MCPH1: variants seen among roughly 807,000 people sequenced by gnomAD.
The protein encoded by MCPH1 is microcephalin 1.
A neutral mutation model predicts 84.5 loss-of-function variants in MCPH1; 104 were observed. The ratio of observed to expected loss-of-function variants is 1.23; its 90% CI spans 1.05 to 1.45. MCPH1 has a LOEUF of 1.45. MCPH1 is among the 40% of genes most tolerant of loss of function. The pLI is 0.00. For synonymous variants in MCPH1, 514 were observed against 366.8 expected (o/e 1.40, Z -4.58); for missense variants, 1,498 against 1,005.7 (o/e 1.49, Z -6.62).
intron 12 of MCPH1, among the ~76,000 whole-genome samples, chr8:6,568,474 C>T (rs1000099183): frequency 3.9e-5 from 6 of 152,150 alleles, no homozygotes; most frequent in African/African-American, 1.4e-4. Context: ...TTGTGGGCCC[C>T]GTGACCCCTG....
chr8:6,622,932 T>A (rs1480993704), intron 13 of MCPH1, among the ~76,000 whole-genome samples: 3 of 152,016 alleles, frequency 2.0e-5, no homozygotes, highest in Non-Finnish European at 4.4e-5. Flanking sequence ...CCTCAGCCTC[T>A]CTGGCTGAAG....
intron 12 of MCPH1, among the ~76,000 whole-genome samples, chr8:6,606,442 C>T (rs527490990): frequency 6.6e-6 from 1 of 152,292 alleles, no homozygotes; most frequent in South Asian, 2.1e-4. Context: ...AAAACCTAAC[C>T]TATATATGGT....
At position 6,418,214 on chromosome 8, in the gene MCPH1, G is replaced by A. The variant is rs532182995; in HGVS notation, c.233+3331G>A. ...GGTCTCTTCAGCGAGAAAGGAGGCC[G>A]GAGCTTCTGCTTGAGTGCTTGCTGC... On this transcript the variant is annotated intron_variant, in intron 3 of 13. Transcript: ENST00000344683. Among the ~76,000 whole-genome samples the A allele has an allele frequency of 2.0e-5, 3 of 152,112 alleles. No individual in the cohort carries two copies. The East Asian group carries it at 5.8e-4, about 30-fold the overall frequency.
chr8:6,625,800 A>AG, intron 13 of MCPH1: 2 of 984,938 alleles, frequency 2.0e-6, no homozygotes, highest in South Asian at 4.7e-5. Flanking sequence ...GAAAAAAAAA[A>AG]GAATCATTTT....
rs770836586 is a variant in MCPH1 at position 6,455,151 on chromosome 8, A to T, written c.1834A>T (p.Asn612Tyr). 28 of 1,613,900 alleles carry T rather than the reference A, an allele frequency of 1.7e-5. No individual in the cohort carries two copies. In the South Asian group the frequency reaches 2.9e-4, roughly 16 times the overall value. Residue 612 changes from asparagine to tyrosine, a missense_variant, in exon 9 of 14, where the codon AAT becomes TAT. Coordinates refer to ENST00000344683, the MANE Select transcript of MCPH1 (RefSeq NM_024596.5). ...LPGGYSGSVK[N>Y]RPTRHDVLDD... ...ATCCCCTTGGGTTTTAGGTGTTAAA[A>T]ATAGACCAACAAGGCATGATGTTTT...
At chr8:6,558,900 A>G (rs752592619) in intron 12 of MCPH1, among the ~76,000 whole-genome samples, 2 of 152,150 alleles carry the variant, frequency 1.3e-5, no homozygotes, top group East Asian at 1.9e-4. Flanking sequence ...ATACATATAC[A>G]TATCGCATAA....
chr8:6,567,441 CT>C (rs1826291588), intron 12 of MCPH1, among the ~76,000 whole-genome samples: 2 of 152,214 alleles, frequency 1.3e-5, no homozygotes, highest in South Asian at 4.1e-4. Flanking sequence ...TCGGCTCAGC[CT>C]TCTGTGTGGC....
At chr8:6,549,572 C>A (rs778008912) in intron 12 of MCPH1, among the ~76,000 whole-genome samples, 1 of 151,820 alleles carries the variant, frequency 6.6e-6, no homozygotes, top group Non-Finnish European at 1.5e-5. Flanking sequence ...GAGGGAGCCG[C>A]GTGCAGGGCG....
At chr8:6,584,731 C>T (rs976855740) in intron 12 of MCPH1, among the ~76,000 whole-genome samples, 1 of 152,166 alleles carries the variant, frequency 6.6e-6, no homozygotes, top group African/African-American at 2.4e-5. Context: ...ATAAAATGGG[C>T]CTGTCCTCCT....
At chr8:6,640,965 G>A (rs990608700) in intron 13 of MCPH1, among the ~76,000 whole-genome samples, 4 of 151,896 alleles carry the variant, frequency 2.6e-5, no homozygotes, top group Non-Finnish European at 5.9e-5. Context: ...GGTTATTCTC[G>A]TCCATTGATC....
chr8:6,492,969 C>G lies in MCPH1; in HGVS notation c.2137-6883C>G, dbSNP rs1185494835. Among the ~76,000 whole-genome samples the G allele has an allele frequency of 3.3e-5, 5 of 152,072 alleles. No homozygotes were observed. In the South Asian group the frequency reaches 1.0e-3, roughly 32 times the overall value. The stretch of plus-strand genomic sequence containing the variant: ...CAAGTGCTTTTGCCCTTAATGTGAA[C>G]AAAAAATAGTGATTGCTCTTAGTAG... On this transcript the variant is annotated intron_variant, in intron 11 of 13. Transcript: ENST00000344683.
At chr8:6,535,274 T>C (rs1820276280) in intron 12 of MCPH1, among the ~76,000 whole-genome samples, 1 of 152,204 alleles carries the variant, frequency 6.6e-6, no homozygotes. Context: ...TTTGCAACTC[T>C]CCAGAGATAT....
At position 6,431,489 on chromosome 8, in the gene MCPH1, A is replaced by C. The variant is rs777527988; in HGVS notation, c.234-10A>C. The C allele has an allele frequency of 6.2e-7, 1 of 1,606,784 alleles. No individual in the cohort carries two copies. Among genetic ancestry groups the C allele is most frequent in the East Asian group, 2.2e-5 (1 of 44,770 alleles). On this transcript the variant is annotated splice_polypyrimidine_tract_variant and intron_variant, in intron 3 of 13. Coordinates refer to ENST00000344683, the MANE Select transcript of MCPH1 (RefSeq NM_024596.5). ...AATACTCATTAGACTACCTTAATTT[A>C]ATTATACAGATGCAGGACAGCTGGA...
chr8:6,428,420 C>T (rs1168491886), intron 3 of MCPH1, among the ~76,000 whole-genome samples: 1 of 152,108 alleles, frequency 6.6e-6, no homozygotes, highest in Non-Finnish European at 1.5e-5. Context: ...GGTTGTTATG[C>T]GGCATATAAC....
chr8:6,458,094 A>G (rs1805892021), intron 9 of MCPH1, among the ~76,000 whole-genome samples: 1 of 152,218 alleles, frequency 6.6e-6, no homozygotes, highest in Non-Finnish European at 1.5e-5. Context: ...AATTTATCCT[A>G]GAAGAAGTTT....
At chr8:6,472,902 A>G (rs774026755) in intron 9 of MCPH1, among the ~76,000 whole-genome samples, 2 of 152,214 alleles carry the variant, frequency 1.3e-5, no homozygotes. Context: ...TTGACTACCT[A>G]TTTAATCAAA....
At chr8:6,600,680 A>C (rs1370352325) in intron 12 of MCPH1, among the ~76,000 whole-genome samples, 1 of 152,248 alleles carries the variant, frequency 6.6e-6, no homozygotes, top group Non-Finnish European at 1.5e-5. Context: ...TTATTGACTA[A>C]ATAACACTGA....
intron 9 of MCPH1, among the ~76,000 whole-genome samples, chr8:6,466,649 C>A (rs557124063): frequency 6.6e-6 from 1 of 151,836 alleles, no homozygotes; most frequent in Non-Finnish European, 1.5e-5. Context: ...ACCGTGTTGG[C>A]CAGGATGGTC....
chr8:6,506,946 G>A (rs1471828623), intron 12 of MCPH1, among the ~76,000 whole-genome samples: 2 of 151,818 alleles, frequency 1.3e-5, no homozygotes, highest in Admixed American at 1.3e-4. Flanking sequence ...CGTCCAGGCT[G>A]GATTGTACTG....
Sources: gnomAD v4.1 joint callset for allele counts (sites outside exome capture counted in the v4.1 genomes callset) on GRCh38, gnomAD v4.1.1 for gene constraint, MANE v1.5 for transcripts, NCBI Gene and HGNC (gene_info 2026-07-23, HGNC 2026-07-21) for gene names.